Variants in ZNF275 observed in about 807,000 individuals in gnomAD.
ZNF275 encodes the protein zinc finger protein 275.
A neutral mutation model predicts 4.3 loss-of-function variants in ZNF275; 4 were observed. The observed-to-expected ratio is 0.93, with a 90% confidence interval of 0.46 to 2.13. The LOEUF (loss-of-function observed/expected upper bound fraction) is 2.13, where lower values mean the gene tolerates loss of function less well. Among genes scored for constraint, ZNF275 ranks in the 30% most tolerant of loss-of-function variants. The probability of loss-of-function intolerance (pLI) is 0.02; values close to 1 mark genes in which losing one functional copy is unlikely to be tolerated. For missense variants in ZNF275, 352 were observed against 397.1 expected (o/e 0.89, Z 0.97); for synonymous variants, 173 against 166.9 (o/e 1.04, Z -0.28).
intron 1 of ZNF275, among the ~76,000 whole-genome samples, 170 bp downstream of exon 1, chrX:153,334,455 C>T (rs1183424400): frequency 9.0e-6 from 1 of 111,644 alleles, no homozygotes; most frequent in Non-Finnish European, 1.9e-5. Flanking sequence ...AGTGTGCGGG[C>T]CGCAGAAGAG....
intron 2 of ZNF275, chrX:153,343,307 T>C: frequency 3.6e-6 from 1 of 275,864 alleles, no homozygotes; most frequent in Non-Finnish European, 6.8e-6. Context: ...AGCCTTCCTT[T>C]TCACTGAATT....
Position 153,347,102 on chromosome X carries a change from G to C in ZNF275, c.417G>C (p.Arg139Ser), listed in dbSNP as rs782560666. 5.3e-5 allele frequency: 64 copies of C among 1,209,519 alleles called. No homozygotes were observed. Among genetic ancestry groups the C allele is most frequent in the South Asian group, 7.0e-5 (4 of 56,769 alleles). Reference protein sequence around the residue: ...WECGDCGKVFRGVAEFNEHRK... With the variant: ...WECGDCGKVFSGVAEFNEHRK... ...GTGGCGACTGCGGGAAGGTCTTTAG[G>C]GGGGTGGCGGAGTTTAATGAGCACA... is the stretch of plus-strand genomic sequence containing the variant. Residue 139 changes from arginine to serine, a missense_variant, in exon 4 of 4, where the codon AGG (arginine) becomes AGC (serine). Coordinates refer to ENST00000650114, the MANE Select transcript of ZNF275 (RefSeq NM_001367757.1).
At chrX:153,341,466 T>C in intron 2 of ZNF275, among the ~76,000 whole-genome samples, 1 of 112,521 alleles carries the variant, frequency 8.9e-6, no homozygotes. Context: ...GATTAATTGT[T>C]TTTTAAAAGA....
chrX:153,337,202 G>T (rs1176121093), intron 2 of ZNF275, among the ~76,000 whole-genome samples: 1 of 111,463 alleles, frequency 9.0e-6, no homozygotes, highest in Non-Finnish European at 1.9e-5. Flanking sequence ...GCCTTATTTG[G>T]GTGGTCTTGC....
chrX:153,345,200 G>C (rs782528827), intron 2 of ZNF275: 1 of 205,141 alleles, frequency 4.9e-6, no homozygotes, highest in Non-Finnish European at 9.2e-6. Context: ...CGAAGTCCAC[G>C]TGTCTGGGAA....
chrX:153,342,340 A>G (rs2124208715), intron 2 of ZNF275, among the ~76,000 whole-genome samples: 1 of 111,745 alleles, frequency 8.9e-6, no homozygotes, highest in African/African-American at 3.3e-5. Flanking sequence ...CTTGTACATC[A>G]TTAAACTCGC....
In ZNF275 at chrX:153,350,201, G is replaced by A. The variant is rs1556962167; in HGVS notation, c.*2226G>A. ...GGGGAAAATTCACCCATGTGTTCTG[G>A]CATCACTTCCTATAGCCACACCTAA... is the stretch of plus-strand genomic sequence containing the variant. On this transcript the variant is annotated 3_prime_UTR_variant, in exon 4 of 4. Transcript: ENST00000650114. 1 of 124,133 alleles carries A rather than the reference G, an allele frequency of 8.1e-6. No homozygotes were observed. The highest frequency in any genetic ancestry group is 1.9e-5 in the Non-Finnish European group (1 of 53,385). 10.2% of individuals were successfully genotyped at this position (124,133 alleles called of 1,213,427 possible).
At position 153,347,788 on chromosome X, in the gene ZNF275, G is replaced by A; in HGVS notation, c.1103G>A (p.Arg368Gln). ...GGGCCCTCTGACCTCATCAAGCACC[G>A]GCGCATCCACAGCGGACTGAAACCC... Reference protein sequence around the residue: ...FRGPSDLIKHRRIHSGLKPYE... With the variant: ...FRGPSDLIKHQRIHSGLKPYE... Residue 368 changes from arginine (R) to glutamine (Q), a missense_variant, in exon 4 of 4, where the codon CGG becomes CAG. Transcript: ENST00000650114. The A allele has an allele frequency of 8.3e-7, 1 of 1,208,942 alleles. No homozygotes were observed. The highest frequency in any genetic ancestry group is 1.1e-6 in the Non-Finnish European group (1 of 893,703).
In ZNF275 at chrX:153,345,546, G is replaced by T. The variant is rs1404126272; in HGVS notation, c.58G>T (p.Val20Phe). 1.7e-6 allele frequency: 2 copies of T among 1,209,412 alleles called. No homozygotes were observed. Among genetic ancestry groups the T allele is most frequent in the Non-Finnish European group, 2.2e-6 (2 of 894,235 alleles). Residue 20 changes from valine (V) to phenylalanine (F), a missense_variant, in exon 3 of 4, where the codon GTC becomes TTC. Physicochemically the swap from Val to Phe is conservative, Grantham distance 50 (BLOSUM62 -1). Coordinates refer to ENST00000650114, the MANE Select transcript of ZNF275 (RefSeq NM_001367757.1). ...LGVPVLNPAL[V>F]PHLAQGQVLL... is the part of the protein sequence containing the mutation. The stretch of plus-strand genomic sequence containing the variant: ...CGTTCCTGTTTTAAATCCTGCCTTG[G>T]TCCCTCACCTGGCACAAGGACAAGT...
chrX:153,347,496 G>C lies in ZNF275; in HGVS notation c.811G>C (p.Gly271Arg). The C allele has an allele frequency of 8.3e-7, 1 of 1,202,559 alleles. No individual in the cohort carries two copies. Among genetic ancestry groups the C allele is most frequent in the Non-Finnish European group, 1.1e-6 (1 of 890,690 alleles). ...GHLPFDCDDC[G>R]KSFRGVNGLA... ...CCTGCCCTTCGACTGCGACGACTGC[G>C]GCAAGTCCTTCCGAGGGGTCAACGG... is the stretch of plus-strand genomic sequence containing the variant. The change falls in exon 4 of 4, where the codon GGC (glycine) becomes CGC (arginine). Residue 271 changes from glycine to arginine, a missense_variant. Transcript: ENST00000650114.
chrX:153,348,711 C>G lies in ZNF275; in HGVS notation c.*736C>G, dbSNP rs2088537824. The G allele has an allele frequency of 8.2e-6, 1 of 122,693 alleles. No homozygotes were observed. Among genetic ancestry groups the G allele is most frequent in the Admixed American group, 9.5e-5 (1 of 10,532 alleles). 10.1% of individuals were successfully genotyped at this position (122,693 alleles called of 1,213,427 possible). On this transcript the variant is annotated 3_prime_UTR_variant, in exon 4 of 4. Coordinates refer to ENST00000650114, the MANE Select transcript of ZNF275 (RefSeq NM_001367757.1). ...ATGAGGCTCTCATTAGAAATTTTCT[C>G]CCAAGCCATAAGACCATATTTGCAG...
rs782014931 is a variant in ZNF275 at position 153,347,187 on chromosome X, G to A, written c.502G>A (p.Ala168Thr). Residue 168 changes from alanine (A) to threonine (T), a missense_variant, in exon 4 of 4, where the codon GCG (alanine) becomes ACG (threonine). Ala to Thr is a moderately conservative substitution (Grantham distance 58). Transcript: ENST00000650114. ...CCCCAGTAGGGCCCTGGAGAATGCC[G>A]CGGAGAAGAGGGAGCAGATGGAGAG... The part of the protein sequence containing the change: ...PGPSRALENA[A>T]EKREQMEREA... 4.4e-5 allele frequency: 53 copies of A among 1,208,083 alleles called. No homozygotes were observed. The highest frequency in any genetic ancestry group is 1.9e-4 in the South Asian group (11 of 56,605).
In ZNF275 at chrX:153,347,645, C is replaced by T. The variant is rs782703518; in HGVS notation, c.960C>T (p.Pro320=). ...KHRRIHTGEK[P]YACGQCGKAF... is the part of the protein sequence containing the mutation. The stretch of plus-strand genomic sequence containing the variant: ...GGCGGATCCACACGGGCGAGAAGCC[C>T]TACGCCTGCGGCCAGTGCGGCAAGG... Residue 320 remains proline (P), a synonymous_variant, in exon 4 of 4, where the codon CCC becomes CCT. Coordinates refer to ENST00000650114, the MANE Select transcript of ZNF275 (RefSeq NM_001367757.1). The T allele has an allele frequency of 4.2e-6, 5 of 1,204,272 alleles. No homozygotes were observed. Among genetic ancestry groups the T allele is most frequent in the Non-Finnish European group, 5.6e-6 (5 of 891,877 alleles).
rs1556961672 is a variant in ZNF275 at position 153,347,086 on chromosome X, G to T, written c.401G>T (p.Cys134Phe). Residue 134 changes from cysteine (C) to phenylalanine (F), a missense_variant, in exon 4 of 4, where the codon TGC becomes TTC. Transcript: ENST00000650114. Reference sequence around the variant, plus strand: ...GAGAAGGGCTGGGAATGTGGCGACTGCGGGAAGGTCTTTAGGGGGGTGGCG... The same window carrying T: ...GAGAAGGGCTGGGAATGTGGCGACTTCGGGAAGGTCTTTAGGGGGGTGGCG... Reference protein sequence around the residue: ...SEEKGWECGDCGKVFRGVAEF... With the variant: ...SEEKGWECGDFGKVFRGVAEF... The T allele has an allele frequency of 8.3e-7, 1 of 1,211,670 alleles. No individual in the cohort carries two copies. The highest frequency in any genetic ancestry group is 3.0e-5 in the East Asian group (1 of 33,820).
intron 2 of ZNF275, chrX:153,343,480 C>G (rs782632954): frequency 6.1e-6 from 2 of 330,310 alleles, no homozygotes; most frequent in East Asian, 1.8e-4. Context: ...TCATTCAGCT[C>G]TTTTATTTAA....
In ZNF275 at chrX:153,348,106, C is replaced by T. The variant is rs1273553831; in HGVS notation, c.*131C>T. ...GGTTGAGACCGATTTATACTGCCAC[C>T]AGCAATTTATAAGTGTTACGTTATG... On this transcript the variant is annotated 3_prime_UTR_variant, in exon 4 of 4. Coordinates refer to ENST00000650114, the MANE Select transcript of ZNF275 (RefSeq NM_001367757.1). The T allele has an allele frequency of 3.0e-5, 19 of 629,661 alleles. No individual in the cohort carries two copies. In the East Asian group the frequency reaches 1.0e-3, roughly 34 times the overall value. The allele number at this position is 629,661 out of a possible 1,213,427, so 51.9% of individuals were successfully genotyped here. A position where few individuals can be genotyped will look rare whatever the true frequency, so the allele number is the denominator to read the frequency against.
intron 2 of ZNF275, among the ~76,000 whole-genome samples, chrX:153,337,991 T>C (rs2088457155): frequency 9.0e-6 from 1 of 111,533 alleles, no homozygotes; most frequent in Non-Finnish European, 1.9e-5. Context: ...TGTGTGTCCA[T>C]TGGGTGTGCA....
chrX:153,338,357 C>G (rs868921284), intron 2 of ZNF275, among the ~76,000 whole-genome samples: 4 of 111,018 alleles, frequency 3.6e-5, no homozygotes, highest in Non-Finnish European at 7.5e-5. Context: ...TCTTTCCTCC[C>G]ATTTTTATGA....
chrX:153,352,636 C>G lies in ZNF275; in HGVS notation c.*4661C>G, dbSNP rs1556962491. On this transcript the variant is annotated 3_prime_UTR_variant, in exon 4 of 4. Coordinates refer to ENST00000650114, the MANE Select transcript of ZNF275 (RefSeq NM_001367757.1). ...TTGGCCCTCAATGTCATTTGCGTAT[C>G]TCTGAGAACAATAGCTATGTCCCAC... 1.8e-5 allele frequency: 2 copies of G among 112,344 alleles called. No individual in the cohort carries two copies. The highest frequency in any genetic ancestry group is 3.8e-5 in the Non-Finnish European group (2 of 53,295). The allele number at this position is 112,344 out of a possible 1,213,427, so 9.3% of individuals were successfully genotyped here. A position where few individuals can be genotyped will look rare whatever the true frequency, so the allele number is the denominator to read the frequency against.
Sources: gnomAD v4.1 joint callset for allele counts (sites outside exome capture counted in the v4.1 genomes callset) on GRCh38, gnomAD v4.1.1 for gene constraint, MANE v1.5 for transcripts, NCBI Gene and HGNC (gene_info 2026-07-23, HGNC 2026-07-21) for gene names.